The following REEP1 variants were observed in gnomAD, a reference collection of about 807,000 sequenced individuals.
REEP1 encodes receptor accessory protein 1.
A neutral mutation model predicts 40.3 loss-of-function variants in REEP1; 22 were observed. The ratio of observed to expected loss-of-function variants is 0.55; its 90% confidence interval spans 0.39 to 0.78. REEP1 has a LOEUF of 0.78. Ranked by LOEUF, REEP1 falls within the 30% of genes least tolerant of loss-of-function variation. REEP1 has a pLI of 0.00. For missense variants in REEP1, 280 were observed against 361.1 expected, an observed-to-expected ratio of 0.78 and a Z score of 1.82; for synonymous variants, 116 against 139.2, an observed-to-expected ratio of 0.83 and a Z score of 1.17.
intron 1 of REEP1, among the ~76,000 whole-genome samples, chr2:86,307,062 G>A (rs535038593): frequency 4.6e-5 from 7 of 152,012 alleles, no homozygotes; most frequent in East Asian, 1.9e-4. Flanking sequence ...AAAATTAGCC[G>A]GGCATGGTGG....
chr2:86,306,794 C>T (rs986984107), intron 1 of REEP1, among the ~76,000 whole-genome samples: 1 of 152,028 alleles, frequency 6.6e-6, no homozygotes, highest in Non-Finnish European at 1.5e-5. Flanking sequence ...CTGCTGGTCC[C>T]CATGGTAGGG....
Position 86,337,434 on chromosome 2 carries a change from CG to C in REEP1, c.32+44del. ...GGCGCGCGCAGCCCGGGGCCGGGGG[CG>C]GGGAGGGAGGGGACGGAGGGGCGCG... On this transcript the variant is annotated intron_variant, in intron 1 of 8. Transcript: ENST00000538924. The surrounding 1 kb of genome is among the most constrained non-coding windows in gnomAD (Gnocchi z 5.8). 8.7e-7 allele frequency: 1 copy of C among 1,156,018 alleles called. No homozygotes were observed. Among genetic ancestry groups the C allele is most frequent in the African/African-American group, 1.6e-5 (1 of 61,296 alleles). 71.6% of individuals were successfully genotyped at this position (1,156,018 alleles called of 1,614,324 possible). A position where few individuals can be genotyped will look rare whatever the true frequency, so the allele number is the denominator to read the frequency against.
intron 1 of REEP1, among the ~76,000 whole-genome samples, chr2:86,304,791 G>C (rs1426821243): frequency 1.3e-5 from 2 of 152,130 alleles, no homozygotes; most frequent in Non-Finnish European, 2.9e-5. Context: ...CCAAAGTTGG[G>C]CCCAAAATGC....
At chr2:86,301,766 C>T (rs1010187233) in intron 1 of REEP1, among the ~76,000 whole-genome samples, 1 of 152,188 alleles carries the variant, frequency 6.6e-6, no homozygotes, top group African/African-American at 2.4e-5. Context: ...CCATAAATGT[C>T]GAAGTCAGCA....
At chr2:86,243,563 G>A (rs897513885) in intron 5 of REEP1, among the ~76,000 whole-genome samples, 1 of 152,192 alleles carries the variant, frequency 6.6e-6, no homozygotes, top group Non-Finnish European at 1.5e-5. Context: ...AGCAGTGTGA[G>A]GTGAGGTAAC....
intron 5 of REEP1, among the ~76,000 whole-genome samples, chr2:86,233,437 T>G (rs1675136194): frequency 6.6e-6 from 1 of 152,052 alleles, no homozygotes; most frequent in South Asian, 2.1e-4. Context: ...AAAAATGATT[T>G]AAAAAAACCC....
intron 1 of REEP1, among the ~76,000 whole-genome samples, chr2:86,326,680 C>G (rs924708457): frequency 6.6e-6 from 1 of 151,900 alleles, no homozygotes; most frequent in African/African-American, 2.4e-5. Flanking sequence ...CCATTGCACT[C>G]CAGCCTGGGC....
chr2:86,314,629 T>G (rs927838727), intron 1 of REEP1, among the ~76,000 whole-genome samples: 2 of 151,430 alleles, frequency 1.3e-5, no homozygotes, highest in African/African-American at 4.8e-5. Context: ...AATTCTGCAC[T>G]CCTCACCTCC....
At chr2:86,289,732 C>G (rs1431825617) in intron 1 of REEP1, among the ~76,000 whole-genome samples, 2 of 152,084 alleles carry the variant, frequency 1.3e-5, no homozygotes, top group Non-Finnish European at 2.9e-5. Context: ...GTAAATTTCT[C>G]CATAAAGATC....
chr2:86,305,716 C>T (rs1679451058), intron 1 of REEP1, among the ~76,000 whole-genome samples: 1 of 152,196 alleles, frequency 6.6e-6, no homozygotes, highest in African/African-American at 2.4e-5. Flanking sequence ...TCCTTCCCTC[C>T]CTTGGCACCT....
intron 2 of REEP1, among the ~76,000 whole-genome samples, chr2:86,267,482 G>T (rs1677212525): frequency 1.3e-5 from 2 of 152,082 alleles, no homozygotes; most frequent in African/African-American, 4.8e-5. Flanking sequence ...GTTCTTTATA[G>T]CAGTGTGAAA....
At chr2:86,285,673 T>A (rs1341584561) in intron 1 of REEP1, among the ~76,000 whole-genome samples, 1 of 152,066 alleles carries the variant, frequency 6.6e-6, no homozygotes, top group Non-Finnish European at 1.5e-5. Flanking sequence ...GCTGGCTGAG[T>A]CTGTCTCCCT....
chr2:86,307,249 G>A (rs1018978569), intron 1 of REEP1, among the ~76,000 whole-genome samples: 81 of 149,824 alleles, frequency 5.4e-4, no homozygotes, highest in African/African-American at 1.9e-3. Context: ...TCTACTTTAT[G>A]GAATCTAGCA....
At chr2:86,230,456 A>C (rs1340993450) in intron 6 of REEP1, among the ~76,000 whole-genome samples, 1 of 152,190 alleles carries the variant, frequency 6.6e-6, no homozygotes, top group African/African-American at 2.4e-5. Flanking sequence ...CTTAGAGGCA[A>C]AGGGACGCCA....
intron 3 of REEP1, among the ~76,000 whole-genome samples, chr2:86,257,162 T>C (rs913785453): frequency 8.5e-5 from 13 of 152,172 alleles, no homozygotes; most frequent in Non-Finnish European, 1.8e-4. Context: ...TGGTGATTAA[T>C]AACGGAGGAA....
intron 1 of REEP1, among the ~76,000 whole-genome samples, chr2:86,333,277 C>G (rs1459126571): frequency 6.6e-6 from 1 of 152,176 alleles, no homozygotes; most frequent in Non-Finnish European, 1.5e-5. Flanking sequence ...TGAGGACAAT[C>G]CACATTCCTC....
intron 2 of REEP1, among the ~76,000 whole-genome samples, chr2:86,281,631 A>G (rs1222794417): frequency 2.6e-5 from 4 of 152,192 alleles, no homozygotes; most frequent in Non-Finnish European, 5.9e-5. Context: ...CCGGCTCAAA[A>G]AACAAAACTA....
rs1157781388 is a variant in REEP1 at position 86,263,990 on chromosome 2, T to C, written c.157A>G (p.Thr53Ala). The C allele has an allele frequency of 2.5e-6, 4 of 1,613,584 alleles. No homozygotes were observed. In the South Asian group the frequency reaches 4.4e-5, roughly 18 times the overall value. Reference sequence around the variant, plus strand: ...CAACAAAGGAAGATGTCTGTGAATGTCTCTGCTGTGGTGAAAAGTGCAAAT... The same window carrying C: ...CAACAAAGGAAGATGTCTGTGAATGCCTCTGCTGTGGTGAAAAGTGCAAAT... The part of the protein sequence containing the change: ...IIFALFTTAE[T>A]FTDIFLCWFP... Residue 53 changes from threonine (T) to alanine (A), a missense_variant, in exon 3 of 9, where the codon ACA (threonine) becomes GCA (alanine). Transcript: ENST00000538924.
rs1288394415 is a variant in REEP1 at position 86,214,368 on chromosome 2, A to G, written c.*2671T>C. On this transcript the variant is annotated 3_prime_UTR_variant, in exon 9 of 9. Transcript: ENST00000538924. Reference sequence around the variant, plus strand: ...CATTTCAAAGGCCAGCAAAGTGAGCAAGCTATTCACACAAAGCCAGGAGGG... The same window carrying G: ...CATTTCAAAGGCCAGCAAAGTGAGCGAGCTATTCACACAAAGCCAGGAGGG... The G allele has an allele frequency of 6.5e-6, 1 of 152,702 alleles. No individual in the cohort carries two copies. The highest frequency in any genetic ancestry group is 6.5e-5 in the Admixed American group (1 of 15,288). 9.5% of individuals were successfully genotyped at this position (152,702 alleles called of 1,614,324 possible).
Sources: gnomAD v4.1 joint callset for allele counts (sites outside exome capture counted in the v4.1 genomes callset) on GRCh38, gnomAD v4.1.1 for gene constraint, Gnocchi (gnomAD v3.1) non-coding constraint, MANE v1.5 for transcripts, NCBI Gene and HGNC (gene_info 2026-07-23, HGNC 2026-07-21) for gene names.